COA4: variants seen among roughly 807,000 people sequenced by gnomAD.
COA4 encodes the protein cytochrome c oxidase assembly factor 4 homolog, mitochondrial.
COA4 carries 8 observed loss-of-function variants against 7.3 expected under a neutral mutation model. That is an observed-to-expected ratio of 1.10 (90% confidence interval 0.64 to 1.98). The LOEUF (loss-of-function observed/expected upper bound fraction) is 1.98. Ranked by LOEUF, COA4 falls within the 30% of genes most tolerant of loss-of-function variation. The probability of loss-of-function intolerance (pLI) is 0.00; values close to 1 mark genes in which losing one functional copy is unlikely to be tolerated. For missense variants in COA4, 96 were observed against 111.2 expected (o/e 0.86, Z 0.62); for synonymous variants, 42 against 44.3 (o/e 0.95, Z 0.21).
In COA4 at chr11:73,872,954, T is replaced by C; in HGVS notation, c.*161A>G. On this transcript the variant is annotated 3_prime_UTR_variant, in exon 2 of 2. Coordinates refer to ENST00000355693, the MANE Select transcript of COA4 (RefSeq NM_016565.3). ...CTGACCATGAACATATGACAGCTGT[T>C]TGTGCCAGTCATGTCCAAACCCATG... 1 of 777,066 alleles carries C rather than the reference T, an allele frequency of 1.3e-6. No homozygotes were observed. Among genetic ancestry groups the C allele is most frequent in the South Asian group, 1.9e-5 (1 of 53,790 alleles). The allele number at this position is 777,066 out of a possible 1,614,324, so 48.1% of individuals were successfully genotyped here.
In COA4 at chr11:73,874,657, C is replaced by T. The variant is rs1408670272; in HGVS notation, c.-16-1263G>A. 2.0e-5 allele frequency among the ~76,000 whole-genome samples: 3 copies of T among 151,784 alleles called. No homozygotes were observed. In the East Asian group the frequency reaches 5.8e-4, roughly 29 times the overall value. ...AAATAAATAACCTTTCTTCTTTTAT[C>T]CTACTAGCCTTATTCTATGCTGAAG... On this transcript the variant is annotated intron_variant, in intron 1 of 1. Coordinates refer to ENST00000355693, the MANE Select transcript of COA4 (RefSeq NM_016565.3).
Position 73,873,260 on chromosome 11 carries a change from G to A in COA4, c.119C>T (p.Ala40Val). ...SRSGCAASHF[A>V]VQECMAQHQD... ...GTGCTGGGCCATGCACTCCTGCACT[G>A]CAAAGTGGGAGGCAGCACAGCCAGA... The change falls in exon 2 of 2, where the codon GCA becomes GTA. Residue 40 changes from alanine (A) to valine (V), a missense_variant. By Grantham distance (64) the Ala-to-Val change is moderately conservative. Coordinates refer to ENST00000355693, the MANE Select transcript of COA4 (RefSeq NM_016565.3). 6.2e-7 allele frequency: 1 copy of A among 1,614,250 alleles called. No homozygotes were observed. The highest frequency in any genetic ancestry group is 8.5e-7 in the Non-Finnish European group (1 of 1,180,048).
Position 73,872,984 on chromosome 11 carries a change from T to A in COA4, c.*131A>T, listed in dbSNP as rs1948704275. ...CCAGTCATGTCCAAACCCATGGCTC[T>A]CAACTCCAGATCCAAAAACTCTCCC... is the stretch of plus-strand genomic sequence containing the variant. On this transcript the variant is annotated 3_prime_UTR_variant, in exon 2 of 2. Transcript: ENST00000355693. 1.7e-6 allele frequency: 2 copies of A among 1,212,118 alleles called. No individual in the cohort carries two copies. The highest frequency in any genetic ancestry group is 3.0e-5 in the African/African-American group (2 of 65,796). The allele number at this position is 1,212,118 out of a possible 1,614,324, so 75.1% of individuals were successfully genotyped here. A position where few individuals can be genotyped will look rare whatever the true frequency, so the allele number is the denominator to read the frequency against.
intron 1 of COA4, chr11:73,873,673 C>T: frequency 2.2e-6 from 1 of 449,882 alleles, no homozygotes; most frequent in Non-Finnish European, 3.9e-6. Context: ...TGTGCATCAC[C>T]ACTCAGCTAA....
At position 73,872,975 on chromosome 11, in the gene COA4, C is replaced by T. The variant is rs1948704135; in HGVS notation, c.*140G>A. The T allele has an allele frequency of 9.4e-7, 1 of 1,065,394 alleles. No individual in the cohort carries two copies. Among genetic ancestry groups the T allele is most frequent in the Admixed American group, 2.8e-5 (1 of 36,332 alleles). The allele number at this position is 1,065,394 out of a possible 1,614,324, so 66.0% of individuals were successfully genotyped here. ...CTGTTTGTGCCAGTCATGTCCAAAC[C>T]CATGGCTCTCAACTCCAGATCCAAA... On this transcript the variant is annotated 3_prime_UTR_variant, in exon 2 of 2. Coordinates refer to ENST00000355693, the MANE Select transcript of COA4 (RefSeq NM_016565.3).
chr11:73,874,806 T>C (rs1217908255), intron 1 of COA4, among the ~76,000 whole-genome samples: 1 of 152,042 alleles, frequency 6.6e-6, no homozygotes, highest in Admixed American at 6.6e-5. Context: ...GCCGGGATGA[T>C]GAAACCCCGT....
Position 73,876,802 on chromosome 11 carries a change from G to T in COA4, c.-62C>A, listed in dbSNP as rs1252229922. ...GCCCGAACGCACGCTCCTACGCGGC[G>T]GCTTGGGTTTCGCAGGCGGTTGGGG... On this transcript the variant is annotated 5_prime_UTR_variant, in exon 1 of 2. Transcript: ENST00000355693. 2.4e-6 allele frequency: 1 copy of T among 417,278 alleles called. No homozygotes were observed. The highest frequency in any genetic ancestry group is 4.2e-6 in the Non-Finnish European group (1 of 238,772). 25.8% of individuals were successfully genotyped at this position (417,278 alleles called of 1,614,324 possible).
chr11:73,875,636 G>T (rs1410027994), intron 1 of COA4: 1 of 151,884 alleles, frequency 6.6e-6, no homozygotes, highest in Non-Finnish European at 1.5e-5. Context: ...TGGAAGAGCA[G>T]GTGGTTGAGA....
intron 1 of COA4, 98 bp downstream of exon 1, chr11:73,876,659 G>C (rs1356981195): frequency 5.1e-6 from 1 of 195,372 alleles, no homozygotes; most frequent in Non-Finnish European, 1.0e-5. Context: ...GCGTATCGAG[G>C]ACTTTGAACT....
intron 1 of COA4, among the ~76,000 whole-genome samples, chr11:73,875,201 G>A (rs950416776): frequency 6.6e-6 from 1 of 152,180 alleles, no homozygotes; most frequent in African/African-American, 2.4e-5. Context: ...AGAACACTCA[G>A]CAGAAAGCAG....
intron 1 of COA4, chr11:73,876,098 G>C (rs529673802): frequency 6.2e-5 from 9 of 144,340 alleles, no homozygotes; most frequent in African/African-American, 2.4e-4. Context: ...CTGCATTCCA[G>C]CCTGGGTTAC....
rs1177588102 is a variant in COA4, at chr11:73,876,795, A to G, written c.-55T>C. On this transcript the variant is annotated 5_prime_UTR_variant, in exon 1 of 2. The change abolishes the stop of an existing upstream ORF in the 5' untranslated region. Transcript: ENST00000355693. ...GAAGAGGGCCCGAACGCACGCTCCTACGCGGCGGCTTGGGTTTCGCAGGCG... is the reference window on the plus strand; with the variant it reads ...GAAGAGGGCCCGAACGCACGCTCCTGCGCGGCGGCTTGGGTTTCGCAGGCG... 1 of 410,480 alleles carries G rather than the reference A, an allele frequency of 2.4e-6. No individual in the cohort carries two copies. Among genetic ancestry groups the G allele is most frequent in the Non-Finnish European group, 4.3e-6 (1 of 232,932 alleles). 25.4% of individuals were successfully genotyped at this position (410,480 alleles called of 1,614,324 possible).
In COA4 at chr11:73,873,238, C is replaced by G. The variant is rs1209118563; in HGVS notation, c.141G>C (p.Gln47His). ...SHFAVQECMA[Q>H]HQDWRQCQPQ... The stretch of plus-strand genomic sequence containing the variant: ...GCTGGCATTGCCGCCAGTCCTGGTG[C>G]TGGGCCATGCACTCCTGCACTGCAA... Residue 47 changes from glutamine (Q) to histidine (H), a missense_variant, in exon 2 of 2, where the codon CAG becomes CAC. By Grantham distance (24) the Gln-to-His change is conservative. Transcript: ENST00000355693. 3.1e-6 allele frequency: 5 copies of G among 1,614,122 alleles called. No individual in the cohort carries two copies. Among genetic ancestry groups the G allele is most frequent in the Non-Finnish European group, 4.2e-6 (5 of 1,180,046 alleles).
At chr11:73,874,543 A>C (rs1239220359) in intron 1 of COA4, 1 of 152,242 alleles carries the variant, frequency 6.6e-6, no homozygotes, top group Non-Finnish European at 1.5e-5. Context: ...AAGAGGGAGA[A>C]TCCTTTGAGC....
intron 1 of COA4, 62 bp downstream of exon 1, chr11:73,876,695 C>T: frequency 4.0e-6 from 1 of 247,498 alleles, no homozygotes; most frequent in African/African-American, 2.2e-5. Flanking sequence ...CGCGCGCGGC[C>T]GCTGATCGCA....
rs1014429701 is a variant in COA4 at position 73,876,786 on chromosome 11, C to T, written c.-46G>A. The stretch of plus-strand genomic sequence containing the variant: ...CAGGTGGGAGAAGAGGGCCCGAACG[C>T]ACGCTCCTACGCGGCGGCTTGGGTT... On this transcript the variant is annotated 5_prime_UTR_variant, in exon 1 of 2. Transcript: ENST00000355693. 7.6e-6 allele frequency: 3 copies of T among 392,892 alleles called. No individual in the cohort carries two copies. Among genetic ancestry groups the T allele is most frequent in the African/African-American group, 6.2e-5 (3 of 48,210 alleles). The allele number at this position is 392,892 out of a possible 1,614,324, so 24.3% of individuals were successfully genotyped here.
chr11:73,876,725 G>T, intron 1 of COA4, 32 bp downstream of exon 1: 1 of 297,942 alleles, frequency 3.4e-6, no homozygotes, highest in Non-Finnish European at 6.2e-6. Context: ...TGCCCGCAAC[G>T]CCTCCTGAAG....
rs1482591898 is a variant in COA4 at position 73,873,298 on chromosome 11, C to A, written c.81G>T (p.Gln27His). Residue 27 changes from glutamine (Q) to histidine (H), a missense_variant, in exon 2 of 2, where the codon CAG becomes CAT. Physicochemically the swap from Gln to His is conservative, Grantham distance 24. Coordinates refer to ENST00000355693, the MANE Select transcript of COA4 (RefSeq NM_016565.3). ...CAGCACAGCCAGAGCGGGAGATCAG[C>A]TGGTCCAGCGGGTCCTCCTCCTCAT... ...KDDEEEDPLDQLISRSGCAAS... is the reference protein window; with the variant it reads ...KDDEEEDPLDHLISRSGCAAS... 1.2e-6 allele frequency: 2 copies of A among 1,614,278 alleles called. No individual in the cohort carries two copies. The highest frequency in any genetic ancestry group is 1.7e-6 in the Non-Finnish European group (2 of 1,180,054).
Position 73,876,750 on chromosome 11 carries a change from T to C in COA4, c.-17+7A>G. 1.2e-5 allele frequency: 4 copies of C among 335,178 alleles called. No homozygotes were observed. The allele number at this position is 335,178 out of a possible 1,614,324, so 20.8% of individuals were successfully genotyped here. On this transcript the variant is annotated splice_region_variant and intron_variant, in intron 1 of 1. Coordinates refer to ENST00000355693, the MANE Select transcript of COA4 (RefSeq NM_016565.3). ...GCCTCCTGAAGAACGCGGTACGCGA[T>C]GCTCACCGAACAGGTGGGAGAAGAG... is the stretch of plus-strand genomic sequence containing the variant.
Sources: allele counts gnomAD v4.1 joint callset (sites outside exome capture counted in the v4.1 genomes callset), GRCh38; gene constraint gnomAD v4.1.1; transcripts MANE v1.5; gene names NCBI Gene and HGNC (gene_info 2026-07-23, HGNC 2026-07-21).